CYP2J2: variants seen among roughly 807,000 people sequenced by gnomAD.
CYP2J2 encodes cytochrome P450 family 2 subfamily J member 2.
Under a neutral mutation model 48.8 loss-of-function variants are expected in CYP2J2, and 41 were observed. The observed-to-expected ratio is 0.84, with a 90% CI of 0.66 to 1.09. The LOEUF is 1.09. Among genes scored for constraint, CYP2J2 ranks in the 50% least tolerant of loss-of-function variants. The pLI, the probability that CYP2J2 is intolerant of heterozygous loss-of-function variation, is 0.00. For synonymous variants in CYP2J2, 221 were observed against 227.1 expected (o/e 0.97, Z 0.24); for missense variants, 644 against 617.3 (o/e 1.04, Z -0.46).
chr1:59,936,630 T>C, the CYP2J2 span, among the ~76,000 whole-genome samples: 1 of 152,204 alleles, frequency 6.6e-6, no homozygotes, highest in Non-Finnish European at 1.5e-5. Flanking sequence ...TCCAGGACAT[T>C]AGGTATTTTT....
At chr1:59,937,230 G>A in the CYP2J2 span, among the ~76,000 whole-genome samples, 1 of 152,122 alleles carries the variant, frequency 6.6e-6, no homozygotes, top group Non-Finnish European at 1.5e-5. Flanking sequence ...TAGTCTATTG[G>A]AAGAAAAACA....
chr1:59,957,087 G>A, the CYP2J2 span, among the ~76,000 whole-genome samples: 1 of 152,170 alleles, frequency 6.6e-6, no homozygotes, highest in African/African-American at 2.4e-5. Context: ...GGTGCTTCCA[G>A]AATTCTTGGC....
Position 59,912,212 on chromosome 1 carries a change from C to A in CYP2J2, c.473G>T (p.Arg158Leu), listed in dbSNP as rs773108427. 8 of 1,613,772 alleles carry A rather than the reference C, an allele frequency of 5.0e-6. No homozygotes were observed. In the South Asian group the frequency reaches 6.6e-5, roughly 13 times the overall value. Residue 158 changes from arginine (R) to leucine (L), a missense_variant, in exon 3 of 9, where the codon CGC becomes CTC. Physicochemically the swap from Arg to Leu is moderately radical, Grantham distance 102 (BLOSUM62 -2). Coordinates refer to ENST00000371204, the MANE Select transcript of CYP2J2 (RefSeq NM_000775.4). ...FGLGKKSLEE[R>L]IQEEAQHLTE... ...GAGGTGTTGGGCCTCCTCCTGAATG[C>A]GTTCCTCTAAGCTCTTCTTTCCTAA...
Position 59,901,039 on chromosome 1 carries a change from T to C in CYP2J2, c.1256A>G (p.Asp419Gly), listed in dbSNP as rs1644315002. 1.9e-6 allele frequency: 3 copies of C among 1,614,192 alleles called. No individual in the cohort carries two copies. ...HRDPTEWATP[D>G]TFNPDHFLEN... ...CAGAAAATGGTCCGGATTGAATGTG[T>C]CAGGGGTGGCCCACTCTGTGGGGTC... The change falls in exon 8 of 9, where the codon GAC becomes GGC. Residue 419 changes from aspartate to glycine, a missense_variant. Coordinates refer to ENST00000371204, the MANE Select transcript of CYP2J2 (RefSeq NM_000775.4).
At chr1:59,918,704 G>A (rs1644487542) in intron 1 of CYP2J2, among the ~76,000 whole-genome samples, 1 of 149,298 alleles carries the variant, frequency 6.7e-6, no homozygotes. Context: ...TAAAACAAAA[G>A]GAGATAAAAA....
the CYP2J2 span, among the ~76,000 whole-genome samples, chr1:59,941,199 T>C: frequency 1.4e-4 from 22 of 152,194 alleles, no homozygotes; most frequent in Admixed American, 1.1e-3. Context: ...CTGGCCTGGC[T>C]TAGGTTATGT....
chr1:59,955,424 A>G, the CYP2J2 span, among the ~76,000 whole-genome samples: 1 of 151,872 alleles, frequency 6.6e-6, no homozygotes, highest in African/African-American at 2.4e-5. Context: ...TAATAATATC[A>G]TCATAATGAA....
At chr1:59,957,028 C>G in the CYP2J2 span, among the ~76,000 whole-genome samples, 6 of 152,202 alleles carry the variant, frequency 3.9e-5, no homozygotes, top group African/African-American at 1.4e-4. Context: ...CCCATCATGC[C>G]TGTTCCAGTA....
chr1:59,932,143 G>A, the CYP2J2 span, among the ~76,000 whole-genome samples: 1 of 152,046 alleles, frequency 6.6e-6, no homozygotes, highest in African/African-American at 2.4e-5. Context: ...TTTAACCTAA[G>A]TGTGTGAAAA....
chr1:59,893,394 T>C lies in CYP2J2; in HGVS notation c.*257A>G, dbSNP rs1402261121. On this transcript the variant is annotated 3_prime_UTR_variant, in exon 9 of 9. Coordinates refer to ENST00000371204, the MANE Select transcript of CYP2J2 (RefSeq NM_000775.4). ...TTTTGATTCTTACAAGAACTTTCTT[T>C]ATGGAAGGAAACATTATCCTCTTTT... 2.7e-6 allele frequency: 1 copy of C among 363,760 alleles called. No homozygotes were observed. Among genetic ancestry groups the C allele is most frequent in the Non-Finnish European group, 4.9e-6 (1 of 204,026 alleles). 22.5% of individuals were successfully genotyped at this position (363,760 alleles called of 1,614,324 possible).
At chr1:59,939,937 G>T in the CYP2J2 span, among the ~76,000 whole-genome samples, 1 of 152,110 alleles carries the variant, frequency 6.6e-6, no homozygotes, top group African/African-American at 2.4e-5. Flanking sequence ...TCAGCTTGTG[G>T]TGAATGCTGC....
chr1:59,907,913 AG>A lies in CYP2J2; in HGVS notation c.875del (p.Pro292LeufsTer53). 2 of 1,614,118 alleles carry A rather than the reference AG, an allele frequency of 1.2e-6. No homozygotes were observed. The highest frequency in any genetic ancestry group is 1.7e-6 in the Non-Finnish European group (2 of 1,179,968). ...LKEMSKHTGN[P>X]TSSFHEENLI... ...GGTTTTCTTCATGGAAACTTGAAGT[AG>A]GATTGCCTGTGTGCTAGAAAACACA... On this transcript the variant is annotated frameshift_variant, in exon 6 of 9. Transcript: ENST00000371204. LOFTEE classifies it high-confidence loss of function.
At chr1:59,952,526 G>C in the CYP2J2 span, among the ~76,000 whole-genome samples, 2 of 152,098 alleles carry the variant, frequency 1.3e-5, no homozygotes, top group East Asian at 3.9e-4. Flanking sequence ...GTTGGAGGCA[G>C]TGAGGGCAGC....
At chr1:59,938,807 T>G in the CYP2J2 span, among the ~76,000 whole-genome samples, 3 of 152,238 alleles carry the variant, frequency 2.0e-5, no homozygotes, top group Admixed American at 6.5e-5. Flanking sequence ...CACATGGGGA[T>G]AAACCTTGGA....
intron 2 of CYP2J2, among the ~76,000 whole-genome samples, chr1:59,914,212 T>C (rs1382769797): frequency 6.6e-6 from 1 of 152,238 alleles, no homozygotes; most frequent in East Asian, 1.9e-4. Flanking sequence ...ATAAACTACA[T>C]AGGATATGGA....
intron 8 of CYP2J2, among the ~76,000 whole-genome samples, chr1:59,897,900 G>A (rs1466097245): frequency 1.3e-5 from 2 of 152,110 alleles, no homozygotes; most frequent in African/African-American, 4.8e-5. Context: ...AAAAGCAACT[G>A]CATGCCAAAA....
intron 8 of CYP2J2, among the ~76,000 whole-genome samples, chr1:59,898,745 T>C (rs1644291553): frequency 6.6e-6 from 1 of 152,212 alleles, no homozygotes; most frequent in African/African-American, 2.4e-5. Context: ...GAAAGAACTC[T>C]CTCTTATTTT....
chr1:59,953,427 TATATG>T, the CYP2J2 span, among the ~76,000 whole-genome samples: 1 of 152,072 alleles, frequency 6.6e-6, no homozygotes, highest in Non-Finnish European at 1.5e-5. Context: ...AAAAAATGAT[TATATG>T]ATAATATATC....
chr1:59,920,820 A>G (rs1644505710), intron 1 of CYP2J2, among the ~76,000 whole-genome samples: 1 of 152,098 alleles, frequency 6.6e-6, no homozygotes, highest in South Asian at 2.1e-4. Context: ...TCTCTGTCTT[A>G]GTTTCCAAAT....
Sources: allele counts gnomAD v4.1 joint callset (sites outside exome capture counted in the v4.1 genomes callset), GRCh38; gene constraint gnomAD v4.1.1; transcripts MANE v1.5; gene names NCBI Gene and HGNC (gene_info 2026-07-23, HGNC 2026-07-21).